Variants in SLC7A8 observed in about 807,000 individuals in gnomAD.
SLC7A8 encodes the protein solute carrier family 7 member 8.
In SLC7A8, 30 loss-of-function variants were observed where a neutral mutation model predicts 51.2. The observed-to-expected ratio is 0.59, with a 90% CI of 0.44 to 0.80. SLC7A8 has a LOEUF of 0.80. SLC7A8 is among the 30% of genes least tolerant of loss of function. SLC7A8 has a pLI of 0.00. For missense variants in SLC7A8, 612 were observed against 674.4 expected (o/e 0.91, Z 1.03); for synonymous variants, 257 against 275.8 (o/e 0.93, Z 0.67).
At chr14:23,181,453 G>C (rs573537053) in intron 1 of SLC7A8, among the ~76,000 whole-genome samples, 155 of 82,036 alleles carry the variant, frequency 1.9e-3, no homozygotes, top group Non-Finnish European at 7.8e-4. Context: ...TGGTGGGGGT[G>C]GGGGGGGGAT....
At chr14:23,176,941 CAAAA>C (rs10633003) in intron 1 of SLC7A8, among the ~76,000 whole-genome samples, 2 of 72,858 alleles carry the variant, frequency 2.7e-5, no homozygotes, top group Non-Finnish European at 6.1e-5. Flanking sequence ...GACTCTGTCT[CAAAA>C]AAAAAAAAAA....
At chr14:23,158,267 A>C (rs2140330428) in intron 3 of SLC7A8, among the ~76,000 whole-genome samples, 1 of 152,280 alleles carries the variant, frequency 6.6e-6, no homozygotes, top group Non-Finnish European at 1.5e-5. Flanking sequence ...GAGCAGGCAA[A>C]ATTTTGAGCA....
chr14:23,155,085 T>C (rs1428456774), intron 3 of SLC7A8: 3 of 1,245,516 alleles, frequency 2.4e-6, no homozygotes, highest in African/African-American at 1.5e-5. Flanking sequence ...CAGTGGGGAG[T>C]GTGGTTTTGA....
At chr14:23,151,569 C>A (rs989670452) in intron 3 of SLC7A8, among the ~76,000 whole-genome samples, 5 of 151,870 alleles carry the variant, frequency 3.3e-5, no homozygotes, top group Non-Finnish European at 5.9e-5. Flanking sequence ...CCAGCCTGGG[C>A]AACACAGCAA....
At chr14:23,157,577 T>C (rs1450955247) in intron 3 of SLC7A8, among the ~76,000 whole-genome samples, 1 of 152,212 alleles carries the variant, frequency 6.6e-6, no homozygotes, top group Non-Finnish European at 1.5e-5. Flanking sequence ...TGCCTCCTAG[T>C]CTATGGTGTG....
chr14:23,166,473 G>A lies in SLC7A8; in HGVS notation c.219C>T (p.Gly73=). Residue 73 remains glycine, a synonymous_variant, in exon 2 of 11, where the codon GGC becomes GGT. Transcript: ENST00000316902. ...KGVLENAGSV[G]LALIVWIVTG... ...TCACAATCCAGACGATGAGAGCAAG[G>A]CCCACAGAACCAGCATTCTCCAGCA... The A allele has an allele frequency of 1.2e-6, 2 of 1,614,174 alleles. No individual in the cohort carries two copies. Among genetic ancestry groups the A allele is most frequent in the Non-Finnish European group, 1.7e-6 (2 of 1,180,044 alleles).
chr14:23,157,447 G>C (rs138897467), intron 3 of SLC7A8, among the ~76,000 whole-genome samples: 236 of 152,266 alleles, frequency 1.5e-3, no homozygotes, highest in African/African-American at 5.4e-3. Flanking sequence ...ATACAGATAT[G>C]ATCATGTCGG....
intron 7 of SLC7A8, among the ~76,000 whole-genome samples, chr14:23,134,254 T>C (rs368453456): frequency 1.7e-4 from 26 of 151,998 alleles, no homozygotes; most frequent in African/African-American, 6.3e-4. Context: ...CTGGGCAACA[T>C]GGTGAAACCC....
intron 7 of SLC7A8, among the ~76,000 whole-genome samples, chr14:23,137,074 G>A (rs533533294): frequency 6.6e-6 from 1 of 152,300 alleles, no homozygotes; most frequent in African/African-American, 2.4e-5. Context: ...GAGGGCAGGG[G>A]GTGCTTTCTA....
chr14:23,129,125 G>A, intron 9 of SLC7A8: 1 of 158,008 alleles, frequency 6.3e-6, no homozygotes, highest in Admixed American at 6.1e-5. Context: ...TAGGTTCACT[G>A]AGCACCCTAT....
intron 3 of SLC7A8, among the ~76,000 whole-genome samples, chr14:23,144,115 T>C (rs2048769123): frequency 6.7e-6 from 1 of 150,102 alleles, no homozygotes; most frequent in Non-Finnish European, 1.5e-5. Context: ...TGTAGATGTC[T>C]TTTTTCTTTT....
intron 4 of SLC7A8, among the ~76,000 whole-genome samples, chr14:23,141,296 AAAG>A (rs2048743006): frequency 6.6e-6 from 1 of 152,202 alleles, no homozygotes; most frequent in South Asian, 2.1e-4. Flanking sequence ...AAAAAAGAAA[AAAG>A]AAAAAAACAA....
intron 7 of SLC7A8, among the ~76,000 whole-genome samples, chr14:23,136,637 T>C (rs1403699656): frequency 6.6e-6 from 1 of 151,992 alleles, no homozygotes; most frequent in Non-Finnish European, 1.5e-5. Flanking sequence ...GTGGGTGAGG[T>C]CTGGCCTCTG....
In SLC7A8 at chr14:23,138,011, T is replaced by C; in HGVS notation, c.926A>G (p.Lys309Arg). The stretch of plus-strand genomic sequence containing the variant: ...GATCCAGGCCATGACTCCTAGGAGC[T>C]TCTCTCCAAAAGTCTGGGAGAGGAA... Reference protein sequence around the residue: ...SNAVAVTFGEKLLGVMAWIMP... With the variant: ...SNAVAVTFGERLLGVMAWIMP... Residue 309 changes from lysine to arginine, a missense_variant, in exon 7 of 11, where the codon AAG (lysine) becomes AGG (arginine). Transcript: ENST00000316902. The C allele has an allele frequency of 6.2e-7, 1 of 1,613,126 alleles. No homozygotes were observed. Among genetic ancestry groups the C allele is most frequent in the Non-Finnish European group, 8.5e-7 (1 of 1,179,750 alleles).
chr14:23,155,377 C>T (rs758415352), intron 3 of SLC7A8: 24 of 1,497,000 alleles, frequency 1.6e-5, no homozygotes, highest in Middle Eastern at 2.1e-4. Flanking sequence ...CTCCTCCCTT[C>T]CTGGCTCTCT....
chr14:23,166,859 G>T (rs985380859), intron 1 of SLC7A8, among the ~76,000 whole-genome samples: 1 of 152,180 alleles, frequency 6.6e-6, no homozygotes, highest in African/African-American at 2.4e-5. Context: ...CAAGTGAGTT[G>T]CCTAGGTCCA....
rs771432353 is a variant in SLC7A8, at chr14:23,166,381, C to A, written c.311G>T (p.Gly104Val). The A allele has an allele frequency of 6.2e-7, 1 of 1,614,122 alleles. No individual in the cohort carries two copies. Among genetic ancestry groups the A allele is most frequent in the Non-Finnish European group, 8.5e-7 (1 of 1,180,038 alleles). ...GTCCTTGACATAGGAGTAGTCACCT[C>A]CAGATTTGGGGATGGTGACCCCGAG... The part of the protein sequence containing the change: ...AELGVTIPKS[G>V]GDYSYVKDIF... Residue 104 changes from glycine to valine, a missense_variant, in exon 2 of 11, where the codon GGA (glycine) becomes GTA (valine). Gly to Val is a moderately radical substitution (Grantham distance 109, BLOSUM62 -3). Coordinates refer to ENST00000316902, the MANE Select transcript of SLC7A8 (RefSeq NM_012244.4).
In SLC7A8 at chr14:23,128,466, G is replaced by T. The variant is rs1362663896; in HGVS notation, c.1264-270C>A. 4 of 1,154,264 alleles carry T rather than the reference G, an allele frequency of 3.5e-6. No individual in the cohort carries two copies. The highest frequency in any genetic ancestry group is 4.8e-6 in the Non-Finnish European group (4 of 830,610). The allele number at this position is 1,154,264 out of a possible 1,614,324, so 71.5% of individuals were successfully genotyped here. A position where few individuals can be genotyped will look rare whatever the true frequency, so the allele number is the denominator to read the frequency against. On this transcript the variant is annotated intron_variant, in intron 9 of 10. Coordinates refer to ENST00000316902, the MANE Select transcript of SLC7A8 (RefSeq NM_012244.4). The surrounding 1 kb of genome is among the most constrained non-coding windows in gnomAD (Gnocchi z 4.3). ...TCCTTGCCCATGTCCTCGCTCTTGGGTGTGGTTAGACAAGGCCTCATCATG... is the reference window on the plus strand; with the variant it reads ...TCCTTGCCCATGTCCTCGCTCTTGGTTGTGGTTAGACAAGGCCTCATCATG...
chr14:23,143,240 C>A, intron 3 of SLC7A8, 36 bp from the exon 4 acceptor site: 1 of 1,609,488 alleles, frequency 6.2e-7, no homozygotes. Context: ...CCTTCAGGGG[C>A]TGTATCTGGC....
Sources: allele counts gnomAD v4.1 joint callset (sites outside exome capture counted in the v4.1 genomes callset), GRCh38; gene constraint gnomAD v4.1.1; non-coding constraint Gnocchi (gnomAD v3.1); transcripts MANE v1.5; gene names NCBI Gene and HGNC (gene_info 2026-07-23, HGNC 2026-07-21).